EHF: variants seen among roughly 807,000 people sequenced by gnomAD.
EHF encodes ESE3 transcription factor.
In EHF, 14 loss-of-function variants were observed where a neutral mutation model predicts 45.1. The observed-to-expected ratio is 0.31, with a 90% confidence interval of 0.21 to 0.49. The LOEUF (loss-of-function observed/expected upper bound fraction) is 0.49. EHF is among the 20% of genes least tolerant of loss of function. The probability of loss-of-function intolerance (pLI) is 0.99; values close to 1 mark genes in which losing one functional copy is unlikely to be tolerated. For synonymous variants in EHF, 136 were observed against 131.8 expected (o/e 1.03, Z -0.22); for missense variants, 282 against 371.4 (o/e 0.76, Z 1.98).
intron 1 of EHF, chr11:34,624,175 T>A (rs761050024): frequency 1.8e-6 from 1 of 569,390 alleles, no homozygotes; most frequent in Non-Finnish European, 2.2e-6. Context: ...TCTGGTAGAG[T>A]TGACGTGACA....
intron 2 of EHF, among the ~76,000 whole-genome samples, chr11:34,645,357 G>A (rs1854412263): frequency 6.6e-6 from 1 of 152,150 alleles, no homozygotes; most frequent in African/African-American, 2.4e-5. Context: ...TCTTTTAAAC[G>A]TACCTCCCAA....
intron 1 of EHF, among the ~76,000 whole-genome samples, chr11:34,630,846 G>A (rs1260697591): frequency 1.3e-5 from 2 of 152,044 alleles, no homozygotes; most frequent in African/African-American, 2.4e-5. Flanking sequence ...TGCTCCTGGA[G>A]AGGCAACATT....
intron 1 of EHF, among the ~76,000 whole-genome samples, chr11:34,625,892 A>G (rs370328552): frequency 3.8e-4 from 57 of 151,758 alleles, no homozygotes; most frequent in African/African-American, 1.3e-3. Flanking sequence ...TTTTTTTAGC[A>G]TCTTAGTTGT....
In EHF at chr11:34,659,342, A is replaced by G. The variant is rs1447335165; in HGVS notation, c.*411A>G. On this transcript the variant is annotated 3_prime_UTR_variant, in exon 9 of 9. Coordinates refer to ENST00000257831, the MANE Select transcript of EHF (RefSeq NM_012153.6). Reference sequence around the variant, plus strand: ...GAAAAAGGTGATGCATCCTCCTCACATAAGCATCCATATGGCTTCGTCAAG... The same window carrying G: ...GAAAAAGGTGATGCATCCTCCTCACGTAAGCATCCATATGGCTTCGTCAAG... The G allele has an allele frequency of 1.9e-5, 3 of 161,350 alleles. No individual in the cohort carries two copies. Among genetic ancestry groups the G allele is most frequent in the Non-Finnish European group, 4.0e-5 (3 of 74,328 alleles). 10.0% of individuals were successfully genotyped at this position (161,350 alleles called of 1,614,324 possible).
chr11:34,628,886 G>T (rs756538384), intron 1 of EHF, among the ~76,000 whole-genome samples: 1 of 152,184 alleles, frequency 6.6e-6, no homozygotes, highest in Non-Finnish European at 1.5e-5. Flanking sequence ...GCTTAGAAAG[G>T]TTCCATGTTT....
intron 1 of EHF, among the ~76,000 whole-genome samples, chr11:34,635,453 T>TTTTTC (rs890962500): frequency 1.4e-5 from 2 of 146,958 alleles, no homozygotes; most frequent in Non-Finnish European, 3.0e-5. Context: ...CCTTATTCTT[T>TTTTTC]TTTTTTTTTT....
chr11:34,630,977 T>C (rs1373906195), intron 1 of EHF, among the ~76,000 whole-genome samples: 2 of 152,230 alleles, frequency 1.3e-5, no homozygotes, highest in Non-Finnish European at 2.9e-5. Context: ...TGTTGCATGT[T>C]GCCTTGACTG....
At chr11:34,656,165 C>T (rs1158395551) in intron 6 of EHF, among the ~76,000 whole-genome samples, 2 of 152,078 alleles carry the variant, frequency 1.3e-5, no homozygotes, top group Non-Finnish European at 2.9e-5. Context: ...CCAGGTCCGC[C>T]TCCATCATCT....
chr11:34,632,428 C>T, intron 1 of EHF: 1 of 1,444,770 alleles, frequency 6.9e-7, no homozygotes, highest in Non-Finnish European at 9.2e-7. Context: ...CATAAACACA[C>T]CATTGTCTCA....
At position 34,643,311 on chromosome 11, in the gene EHF, C is replaced by T. The variant is rs747092329; in HGVS notation, c.97+584C>T. On this transcript the variant is annotated intron_variant, in intron 2 of 8. Transcript: ENST00000257831. The stretch of plus-strand genomic sequence containing the variant: ...GGTTTGGTGATCAAGCCTGTGGCTT[C>T]CTGAATCAAGTTGAATCCCTGAATC... 2.0e-5 allele frequency among the ~76,000 whole-genome samples: 3 copies of T among 152,064 alleles called. 1 individual carries two copies. Among genetic ancestry groups the T allele is most frequent in the South Asian group, 4.1e-4 (2 of 4,824 alleles).
At chr11:34,651,311 A>T (rs977659023) in intron 4 of EHF, among the ~76,000 whole-genome samples, 1 of 152,054 alleles carries the variant, frequency 6.6e-6, no homozygotes, top group Non-Finnish European at 1.5e-5. Context: ...CTTCCCTAAA[A>T]ATGCAATAGG....
chr11:34,632,586 G>A (rs1290529015), intron 1 of EHF: 2 of 1,535,606 alleles, frequency 1.3e-6, no homozygotes, highest in African/African-American at 1.4e-5. Context: ...GTGAAGGCAA[G>A]GGCATGGGGT....
intron 1 of EHF, among the ~76,000 whole-genome samples, chr11:34,635,954 G>C (rs1853363506): frequency 6.6e-6 from 1 of 152,064 alleles, no homozygotes; most frequent in Non-Finnish European, 1.5e-5. Flanking sequence ...AGCCATAATG[G>C]TACGTCTACA....
chr11:34,632,689 C>A (rs1040485907), intron 1 of EHF: 1 of 1,533,706 alleles, frequency 6.5e-7, no homozygotes, highest in Non-Finnish European at 8.7e-7. Context: ...GGTTGCCCGG[C>A]TCTCTCTGCT....
At chr11:34,640,187 A>G (rs376127503) in intron 1 of EHF, among the ~76,000 whole-genome samples, 1 of 152,256 alleles carries the variant, frequency 6.6e-6, no homozygotes, top group South Asian at 2.1e-4. Context: ...CACCCACAGT[A>G]AGCAGGGGAA....
chr11:34,652,790 G>A (rs1234159371), intron 6 of EHF, among the ~76,000 whole-genome samples: 5 of 152,102 alleles, frequency 3.3e-5, no homozygotes, highest in Non-Finnish European at 5.9e-5. Context: ...AAAGGTTTTG[G>A]TTTGAGGTTT....
chr11:34,651,827 G>T (rs748096298), intron 6 of EHF, 22 bp downstream of exon 6: 13 of 1,608,772 alleles, frequency 8.1e-6, no homozygotes, highest in Non-Finnish European at 1.1e-5. Flanking sequence ...TCACATCTGA[G>T]GCTGGGTATG....
chr11:34,651,112 G>T (rs1400869758), intron 4 of EHF, among the ~76,000 whole-genome samples: 1 of 149,928 alleles, frequency 6.7e-6, no homozygotes, highest in East Asian at 2.0e-4. Context: ...ACCCCCCAAG[G>T]CCTCATTAAT....
chr11:34,657,288 G>A (rs1243065199), intron 7 of EHF, among the ~76,000 whole-genome samples: 2 of 152,150 alleles, frequency 1.3e-5, no homozygotes, highest in East Asian at 3.9e-4. Flanking sequence ...AAAAGGGTGG[G>A]AAGAGGAGCG....
Sources: gnomAD v4.1 joint callset for allele counts (sites outside exome capture counted in the v4.1 genomes callset) on GRCh38, gnomAD v4.1.1 for gene constraint, MANE v1.5 for transcripts, NCBI Gene and HGNC (gene_info 2026-07-23, HGNC 2026-07-21) for gene names.